Variants in ZFYVE28 observed in about 807,000 individuals in gnomAD.
ZFYVE28 encodes lateral signaling target protein 2 homolog.
Under a neutral mutation model 82.1 loss-of-function variants are expected in ZFYVE28, and 40 were observed. The ratio of observed to expected loss-of-function variants is 0.49; its 90% CI spans 0.38 to 0.63. The LOEUF is 0.63. Among genes scored for constraint, ZFYVE28 ranks in the 30% least tolerant of loss-of-function variants. The pLI is 0.00. For missense variants in ZFYVE28, 1,321 were observed against 1,242.1 expected (o/e 1.06, Z -0.96); for synonymous variants, 612 against 546.1 (o/e 1.12, Z -1.68).
chr4:2,313,099 T>C (rs1369713868), intron 7 of ZFYVE28, among the ~76,000 whole-genome samples: 1 of 151,534 alleles, frequency 6.6e-6, no homozygotes, highest in African/African-American at 2.4e-5. Context: ...AATTGGGGAT[T>C]TTTCCAGGTT....
chr4:2,386,365 T>C (rs1729257704), intron 1 of ZFYVE28, among the ~76,000 whole-genome samples: 1 of 152,126 alleles, frequency 6.6e-6, no homozygotes, highest in Admixed American at 6.5e-5. Context: ...GGCACCTGTA[T>C]TCCCAGCTAC....
chr4:2,358,430 C>T (rs1346212170), intron 1 of ZFYVE28, among the ~76,000 whole-genome samples: 1 of 152,164 alleles, frequency 6.6e-6, no homozygotes. Flanking sequence ...AGGTAGGGAA[C>T]CCTTCAGGGA....
intron 2 of ZFYVE28, among the ~76,000 whole-genome samples, chr4:2,349,186 G>A (rs1723997628): frequency 6.6e-6 from 1 of 151,996 alleles, no homozygotes; most frequent in African/African-American, 2.4e-5. Context: ...CAAACTTTTG[G>A]CAGCTCGACA....
intron 8 of ZFYVE28, among the ~76,000 whole-genome samples, chr4:2,279,623 C>CA (rs954743209): frequency 7.9e-5 from 12 of 151,344 alleles, no homozygotes; most frequent in South Asian, 4.2e-4. Context: ...ACTAAAAATA[C>CA]AAAAAAAATT....
intron 7 of ZFYVE28, among the ~76,000 whole-genome samples, chr4:2,312,639 A>G (rs986538147): frequency 1.1e-4 from 17 of 150,828 alleles, no homozygotes; most frequent in African/African-American, 4.2e-4. Flanking sequence ...GAGGCAGGAG[A>G]ATGGCATGAA....
chr4:2,374,684 T>G (rs1261668501), intron 1 of ZFYVE28, among the ~76,000 whole-genome samples: 11 of 152,160 alleles, frequency 7.2e-5, no homozygotes, highest in Non-Finnish European at 5.9e-5. Flanking sequence ...AAGCAAGTAT[T>G]TGTGTGCTCA....
chr4:2,418,283 A>G lies in ZFYVE28; in HGVS notation c.39+2T>C. 3 of 1,536,740 alleles carry G rather than the reference A, an allele frequency of 2.0e-6. No individual in the cohort carries two copies. The highest frequency in any genetic ancestry group is 2.6e-6 in the Non-Finnish European group (3 of 1,140,870). ...GCGTCCGGCCCGAGCGGGGCCGCTC[A>G]CCTTGGGTTTGTAGAGCCACTTTCG... On this transcript the variant is annotated splice_donor_variant, in intron 1 of 12. Coordinates refer to ENST00000290974, the MANE Select transcript of ZFYVE28 (RefSeq NM_020972.3). LOFTEE classifies it high-confidence loss of function. The surrounding 1 kb of genome is among the most constrained non-coding windows in gnomAD (Gnocchi z 4.6).
At chr4:2,303,322 C>G (rs1577984548) in intron 8 of ZFYVE28, among the ~76,000 whole-genome samples, 2 of 152,178 alleles carry the variant, frequency 1.3e-5, no homozygotes, top group African/African-American at 4.8e-5. Flanking sequence ...TGTGAGGACC[C>G]TCTCCTGGGC....
intron 1 of ZFYVE28, among the ~76,000 whole-genome samples, chr4:2,365,106 G>A (rs980466404): frequency 1.3e-5 from 2 of 151,672 alleles, no homozygotes; most frequent in African/African-American, 4.8e-5. Context: ...GTGGGCAGCG[G>A]GCAGCGTGGG....
chr4:2,312,726 C>CAA (rs1170479977), intron 7 of ZFYVE28, among the ~76,000 whole-genome samples: 760 of 64,696 alleles, frequency 0.012, 9 homozygotes, highest in African/African-American at 0.025. Flanking sequence ...GACTCTGCCT[C>CAA]AAAAAAAAAA....
At chr4:2,374,204 G>A (rs111568609) in intron 1 of ZFYVE28, among the ~76,000 whole-genome samples, 83 of 152,310 alleles carry the variant, frequency 5.4e-4, no homozygotes, top group Middle Eastern at 3.4e-3. Flanking sequence ...CAGAGTGCAA[G>A]TACACGGAAA....
chr4:2,273,749 TG>T (rs1736132034), intron 9 of ZFYVE28, among the ~76,000 whole-genome samples: 1 of 152,280 alleles, frequency 6.6e-6, no homozygotes, highest in Admixed American at 6.5e-5. Flanking sequence ...CCTACGTGGC[TG>T]GGAGCCCAGG....
At chr4:2,330,877 G>C in intron 6 of ZFYVE28, 5 of 1,534,950 alleles carry the variant, frequency 3.3e-6, no homozygotes, top group Non-Finnish European at 4.4e-6. Flanking sequence ...TGGGCACGGT[G>C]CAGGCAGATC....
At chr4:2,357,701 C>T (rs974606613) in intron 1 of ZFYVE28, among the ~76,000 whole-genome samples, 12 of 152,190 alleles carry the variant, frequency 7.9e-5, no homozygotes, top group African/African-American at 2.7e-4. Context: ...GACTGCAGCT[C>T]GCTGACGAGA....
intron 7 of ZFYVE28, among the ~76,000 whole-genome samples, chr4:2,312,546 G>C (rs1717610550): frequency 6.6e-6 from 1 of 151,700 alleles, no homozygotes; most frequent in South Asian, 2.1e-4. Context: ...GGCTAACATG[G>C]TGAAACCCCG....
At chr4:2,359,259 G>C (rs1046833722) in intron 1 of ZFYVE28, among the ~76,000 whole-genome samples, 1 of 151,768 alleles carries the variant, frequency 6.6e-6, no homozygotes, top group African/African-American at 2.4e-5. Flanking sequence ...GGGATTACAG[G>C]GGTGAGCCAC....
At chr4:2,374,739 A>C (rs1727935372) in intron 1 of ZFYVE28, among the ~76,000 whole-genome samples, 1 of 152,258 alleles carries the variant, frequency 6.6e-6, no homozygotes, top group Non-Finnish European at 1.5e-5. Context: ...CTAAACTTTT[A>C]AATTGAACTC....
chr4:2,304,984 C>T lies in ZFYVE28; in HGVS notation c.1356G>A (p.Ser452=), dbSNP rs756872061. ...GGAAGISLPA[S]EKEEDLSNNN... ...TGTTGCTCAAGTCCTCCTCCTTTTCCGAGGCGGGCAAGCTGATCCCCGCCG... is the reference window on the plus strand; with the variant it reads ...TGTTGCTCAAGTCCTCCTCCTTTTCTGAGGCGGGCAAGCTGATCCCCGCCG... Residue 452 remains serine, a synonymous_variant, in exon 8 of 13, where the codon TCG becomes TCA. Transcript: ENST00000290974. 28 of 1,612,610 alleles carry T rather than the reference C, an allele frequency of 1.7e-5. 1 individual carries two copies. The highest frequency in any genetic ancestry group is 1.5e-4 in the African/African-American group (11 of 74,930).
Position 2,289,844 on chromosome 4 carries a change from T to A in ZFYVE28, c.2051+14445A>T, listed in dbSNP as rs373133589. Among the ~76,000 whole-genome samples, 24 of 152,134 alleles carry A rather than the reference T, an allele frequency of 1.6e-4. No individual in the cohort carries two copies. In the East Asian group the frequency reaches 2.9e-3, roughly 18 times the overall value. ...AGGTCCCAGAGATGTCTCTGGTCAG[T>A]CATCACGGTGGTGTCCAGAAGAACT... On this transcript the variant is annotated intron_variant, in intron 8 of 12. Transcript: ENST00000290974.
Sources: allele counts gnomAD v4.1 joint callset (sites outside exome capture counted in the v4.1 genomes callset), GRCh38; gene constraint gnomAD v4.1.1; non-coding constraint Gnocchi (gnomAD v3.1); transcripts MANE v1.5; gene names NCBI Gene and HGNC (gene_info 2026-07-23, HGNC 2026-07-21).